Variants in ADAR observed in about 807,000 individuals in gnomAD.
The protein encoded by ADAR is adenosine deaminase RNA specific.
Under a neutral mutation model 113.2 loss-of-function variants are expected in ADAR, and 41 were observed. The observed-to-expected ratio is 0.36, with a 90% CI of 0.28 to 0.47. The LOEUF (loss-of-function observed/expected upper bound fraction) is 0.47. Among genes scored for constraint, ADAR ranks in the 20% least tolerant of loss-of-function variants. The pLI is 1.00. For missense variants in ADAR, 1,242 were observed against 1,540.9 expected, an observed-to-expected ratio of 0.81 and a Z score of 3.25; for synonymous variants, 605 against 572.6, an observed-to-expected ratio of 1.06 and a Z score of -0.81.
chr1:154,615,169 A>G (rs1227255949), intron 1 of ADAR, among the ~76,000 whole-genome samples: 1 of 152,188 alleles, frequency 6.6e-6, no homozygotes, highest in Non-Finnish European at 1.5e-5. Flanking sequence ...TCTGGCCTCC[A>G]GCACTGTCAG....
At chr1:154,591,963 CAGG>C (rs947207224) in intron 6 of ADAR, among the ~76,000 whole-genome samples, 5 of 152,102 alleles carry the variant, frequency 3.3e-5, no homozygotes, top group African/African-American at 1.2e-4. Flanking sequence ...CTCAGGGATC[CAGG>C]AGAATTTCAT....
upstream of ADAR, among the ~76,000 whole-genome samples, chr1:154,609,395 T>C (rs1022104471): frequency 1.3e-5 from 2 of 152,212 alleles, no homozygotes; most frequent in African/African-American, 4.8e-5. Flanking sequence ...TTTACCCCCA[T>C]GCTTATGAAA....
chr1:154,600,933 A>G (rs1697828939), intron 2 of ADAR, 108 bp downstream of exon 2: 1 of 1,480,476 alleles, frequency 6.8e-7, no homozygotes, highest in Non-Finnish European at 9.4e-7. Context: ...GGGAAGGAGG[A>G]AAAGATAGGC....
intron 6 of ADAR, among the ~76,000 whole-genome samples, chr1:154,591,156 T>C (rs969727130): frequency 6.6e-6 from 1 of 152,238 alleles, no homozygotes; most frequent in Non-Finnish European, 1.5e-5. Context: ...TAGATACTGT[T>C]ACCTGCAAAG....
At chr1:154,588,018 T>C (rs1696877605) in intron 11 of ADAR, 107 bp downstream of exon 11, 1 of 1,541,944 alleles carries the variant, frequency 6.5e-7, no homozygotes, top group Admixed American at 1.7e-5. Context: ...ACAGCACCTC[T>C]GTGCCCAGTG....
chr1:154,627,913 G>GGCCCCCCCCCCCCCCCCCCCC, exon 1 of ADAR: 6 of 517,148 alleles, frequency 1.2e-5, no homozygotes, highest in South Asian at 2.8e-5. Flanking sequence ...GTGCGGCCGC[G>GGCCCCCCCCCCCCCCCCCCCC]ACCCTCCCCC....
At chr1:154,626,488 G>A (rs1353833027) in intron 1 of ADAR, among the ~76,000 whole-genome samples, 1 of 152,112 alleles carries the variant, frequency 6.6e-6, no homozygotes, top group Admixed American at 6.5e-5. Context: ...TGGATTTTGA[G>A]ATTTCCCCTC....
At chr1:154,602,658 A>T (rs760198809) in intron 1 of ADAR, 32 bp from the exon 2 acceptor site, 1 of 1,610,492 alleles carries the variant, frequency 6.2e-7, no homozygotes, top group Non-Finnish European at 8.5e-7. Flanking sequence ...AAAGAAAATG[A>T]ATTAGGGCTG....
At chr1:154,622,706 T>C (rs1698825372) in intron 1 of ADAR, among the ~76,000 whole-genome samples, 2 of 152,136 alleles carry the variant, frequency 1.3e-5, no homozygotes, top group African/African-American at 2.4e-5. Context: ...TGGGATGCCA[T>C]GGTACTCAAG....
chr1:154,612,436 T>A (rs1571139992), upstream of ADAR, among the ~76,000 whole-genome samples: 2 of 145,464 alleles, frequency 1.4e-5, no homozygotes, highest in African/African-American at 5.1e-5. Context: ...CACGCCATTC[T>A]CCTGCCTCAG....
At chr1:154,596,244 C>T (rs1481021961) in intron 6 of ADAR, among the ~76,000 whole-genome samples, 2 of 152,166 alleles carry the variant, frequency 1.3e-5, no homozygotes, top group Non-Finnish European at 2.9e-5. Flanking sequence ...TTTCAATCAG[C>T]TTGAATGATT....
Position 154,590,367 on chromosome 1 carries a change from G to A in ADAR, c.2313C>T (p.Ala771=), listed in dbSNP as rs538377634. The part of the protein sequence containing the change: ...QAKVGGRWFP[A]VCAHSKKQGK... ...CTTGCTTCTTGCTGTGTGCGCAGAC[G>A]GCTGGGAACCAGCGACCCCCAACTT... Residue 771 remains alanine, a synonymous_variant, in exon 7 of 15, where the codon GCC becomes GCT. Transcript: ENST00000368474. The A allele has an allele frequency of 3.0e-5, 49 of 1,614,068 alleles. No homozygotes were observed. The African/African-American group carries it at 3.5e-4, about 11-fold the overall frequency.
rs1696878867 is a variant in ADAR at position 154,588,044 on chromosome 1, C to T, written c.3019+81G>A. 3 of 1,597,770 alleles carry T rather than the reference C, an allele frequency of 1.9e-6. No homozygotes were observed. The East Asian group carries it at 6.7e-5, about 36-fold the overall frequency. ...GTGCCCAGTGACTAATGGTAAAATCCTAGCAGCCTTGTAGAGACTTGGGGT... is the reference window on the plus strand; with the variant it reads ...GTGCCCAGTGACTAATGGTAAAATCTTAGCAGCCTTGTAGAGACTTGGGGT... On this transcript the variant is annotated intron_variant, in intron 11 of 14. Coordinates refer to ENST00000368474, the MANE Select transcript of ADAR (RefSeq NM_001111.5).
In ADAR at chr1:154,606,945, A is replaced by ATATATAT. The variant is rs59439306; in HGVS notation, c.15+1046_15+1047insATATATA. On this transcript the variant is annotated intron_variant, in intron 1 of 14. Transcript: ENST00000368474. ...TTTCAAAGGAGTGCTTAAAAAAAAA[A>ATATATAT]AAATATATATATATCTTAACAAAAT... Among the ~76,000 whole-genome samples the ATATATAT allele has an allele frequency of 2.2e-3, 182 of 81,952 alleles. 1 individual carries two copies. Among genetic ancestry groups the ATATATAT allele is most frequent in the Middle Eastern group, 4.9e-3 (1 of 206 alleles). 53.8% of individuals were successfully genotyped at this position (81,952 alleles called of 152,430 possible). A position where few individuals can be genotyped will look rare whatever the true frequency, so the allele number is the denominator to read the frequency against.
Position 154,597,959 on chromosome 1 carries a change from G to T in ADAR, c.1803C>A (p.Thr601=), listed in dbSNP as rs1444168242. Reference sequence around the variant, plus strand: ...AGAAGGATGTGGCTGAAGGGGTGGGGGTCTGGGACTCTGCAGTCTAGAGAA... The same window carrying T: ...AGAAGGATGTGGCTGAAGGGGTGGGTGTCTGGGACTCTGCAGTCTAGAGAA... ...KESEKTAESQ[T]PTPSATSFFS... is the part of the protein sequence containing the mutation. The change falls in exon 4 of 15, where the codon ACC becomes ACA. Residue 601 remains threonine (T), a synonymous_variant. Transcript: ENST00000368474. 1 of 1,613,942 alleles carries T rather than the reference G, an allele frequency of 6.2e-7. No homozygotes were observed. The highest frequency in any genetic ancestry group is 1.1e-5 in the South Asian group (1 of 91,040).
At chr1:154,597,644 TTTGAATTCCTA>T (rs1697587457) in intron 4 of ADAR, among the ~76,000 whole-genome samples, 173 bp downstream of exon 4, 1 of 152,190 alleles carries the variant, frequency 6.6e-6, no homozygotes, top group Non-Finnish European at 1.5e-5. Context: ...AGGAATTCCC[TTTGAATTCCTA>T]ATCCCTAATT....
intron 4 of ADAR, 21 bp from the exon 5 acceptor site, chr1:154,597,288 TAGA>T (rs1470995856): frequency 1.8e-5 from 29 of 1,613,928 alleles, no homozygotes; most frequent in East Asian, 4.5e-5. Context: ...ATGAAGCACG[TAGA>T]AGGATTAAAA....
rs1387336307 is a variant in ADAR at position 154,596,829 on chromosome 1, T to C, written c.2246A>G (p.Gln749Arg). ...CTTGGGCTCGTGAGGAGGTCCGGAC[T>C]GGTCGACCAACTTGAATTCAGCAGC... ...GFAAEFKLVD[Q>R]SGPPHEPKFV... The change falls in exon 6 of 15, where the codon CAG becomes CGG. Residue 749 changes from glutamine to arginine, a missense_variant. Coordinates refer to ENST00000368474, the MANE Select transcript of ADAR (RefSeq NM_001111.5). 1.2e-6 allele frequency: 2 copies of C among 1,613,514 alleles called. No individual in the cohort carries two copies. The highest frequency in any genetic ancestry group is 2.2e-5 in the East Asian group (1 of 44,892).
rs1168521571 is a variant in ADAR at position 154,602,488 on chromosome 1, G to T, written c.154C>A (p.Pro52Thr). 2.5e-6 allele frequency: 4 copies of T among 1,614,182 alleles called. No individual in the cohort carries two copies. Among genetic ancestry groups the T allele is most frequent in the Non-Finnish European group, 3.4e-6 (4 of 1,180,006 alleles). Residue 52 changes from proline (P) to threonine (T), a missense_variant, in exon 2 of 15, where the codon CCA (proline) becomes ACA (threonine). Physicochemically the swap from Pro to Thr is conservative, Grantham distance 38. Around this residue, in one of 2 missense-constraint regions of ADAR, gnomAD observed 462 missense variants for 483.1 expected, o/e 0.96. Coordinates refer to ENST00000368474, the MANE Select transcript of ADAR (RefSeq NM_001111.5). ...KQIEFLKGQLPEAPVIGKQTP... is the reference protein window; with the variant it reads ...KQIEFLKGQLTEAPVIGKQTP... ...TGCTTTCCAATCACCGGTGCTTCTG[G>T]GAGCTGCCCCTTGAGAAATTCTATT...
Sources: gnomAD v4.1 joint callset for allele counts (sites outside exome capture counted in the v4.1 genomes callset) on GRCh38, gnomAD v4.1.1 for gene constraint, gnomAD v4.1.1 regional missense constraint, MANE v1.5 for transcripts, NCBI Gene and HGNC (gene_info 2026-07-23, HGNC 2026-07-21) for gene names.